Variants in HELZ observed in about 807,000 individuals in gnomAD.
HELZ encodes the protein helicase with zinc finger.
A neutral mutation model predicts 218.2 loss-of-function variants in HELZ; 23 were observed. The ratio of observed to expected loss-of-function variants is 0.11; its 90% CI spans 0.08 to 0.15. The LOEUF (loss-of-function observed/expected upper bound fraction) is 0.15, where lower values mean the gene tolerates loss of function less well. HELZ is among the 10% of genes least tolerant of loss of function. The pLI, the probability that HELZ is intolerant of heterozygous loss-of-function variation, is 1.00. For missense variants in HELZ, 1,813 were observed against 2,353.7 expected, an observed-to-expected ratio of 0.77 and a Z score of 4.75; for synonymous variants, 814 against 829.4, an observed-to-expected ratio of 0.98 and a Z score of 0.32.
rs1362576442 is a variant in HELZ at position 67,073,941 on chromosome 17, T to C, written c.*4311A>G. ...ATAATGAGCATTTTCAAGACTAACA[T>C]GCCAGTTACTCTTTCAAGATGGAGA... is the stretch of plus-strand genomic sequence containing the variant. On this transcript the variant is annotated 3_prime_UTR_variant, in exon 33 of 33. Coordinates refer to ENST00000358691, the MANE Select transcript of HELZ (RefSeq NM_014877.4). The C allele has an allele frequency of 3.3e-5, 5 of 152,178 alleles. No individual in the cohort carries two copies. The highest frequency in any genetic ancestry group is 6.5e-5 in the Admixed American group (1 of 15,276). The allele number at this position is 152,178 out of a possible 1,614,324, so 9.4% of individuals were successfully genotyped here.
chr17:67,085,772 G>A (rs1398737617), intron 32 of HELZ, among the ~76,000 whole-genome samples: 1 of 151,914 alleles, frequency 6.6e-6, no homozygotes, highest in African/African-American at 2.4e-5. Flanking sequence ...ACAAAGAGAA[G>A]GAATTAGAGA....
chr17:67,225,562 G>A (rs964509796), intron 3 of HELZ: 7 of 152,190 alleles, frequency 4.6e-5, no homozygotes, highest in Non-Finnish European at 7.3e-5. Context: ...GTTAGTAACC[G>A]CAATGTTAGT....
intron 21 of HELZ, among the ~76,000 whole-genome samples, chr17:67,140,188 G>A (rs1435163360): frequency 6.6e-6 from 1 of 152,198 alleles, no homozygotes; most frequent in East Asian, 1.9e-4. Context: ...CACCTGGATG[G>A]CAGCATGGAT....
At chr17:67,090,092 T>C (rs754367411) in intron 31 of HELZ, among the ~76,000 whole-genome samples, 1 of 152,178 alleles carries the variant, frequency 6.6e-6, no homozygotes, top group Non-Finnish European at 1.5e-5. Context: ...TTTCCATTTC[T>C]AGTTTACCAA....
At chr17:67,245,451 G>C, upstream of HELZ, 1 of 984,624 alleles carries the variant, frequency 1.0e-6, no homozygotes, top group Non-Finnish European at 1.2e-6. Context: ...CTGCCCCCAC[G>C]CCCGGTCCTC....
At chr17:67,128,977 C>T (rs1481868122) in intron 23 of HELZ, 122 bp from the exon 24 acceptor site, 9 of 725,218 alleles carry the variant, frequency 1.2e-5, no homozygotes, top group Non-Finnish European at 2.1e-5. Context: ...ACCCAATAGT[C>T]ATCTATGATT....
At chr17:67,187,168 A>G (rs527749152) in intron 12 of HELZ, among the ~76,000 whole-genome samples, 7 of 152,216 alleles carry the variant, frequency 4.6e-5, no homozygotes, top group Non-Finnish European at 2.9e-5. Flanking sequence ...TTTTTATTTT[A>G]TCAACTACCA....
intron 4 of HELZ, among the ~76,000 whole-genome samples, chr17:67,216,694 C>A (rs1200901343): frequency 1.3e-5 from 2 of 152,144 alleles, no homozygotes; most frequent in African/African-American, 4.8e-5. Context: ...AAGCCACTCT[C>A]AAGAGATCAC....
intron 5 of HELZ, among the ~76,000 whole-genome samples, chr17:67,208,239 G>T (rs1425593735): frequency 2.6e-5 from 4 of 152,022 alleles, no homozygotes; most frequent in Non-Finnish European, 5.9e-5. Flanking sequence ...AACAAAAAAA[G>T]AAGTTTTTCA....
intron 3 of HELZ, chr17:67,224,762 G>A: frequency 3.4e-6 from 4 of 1,165,840 alleles, no homozygotes; most frequent in Non-Finnish European, 5.0e-6. Context: ...CGGACTTTCT[G>A]TAAGAAGTGT....
At chr17:67,182,474 G>C (rs538343825) in intron 12 of HELZ, among the ~76,000 whole-genome samples, 44 of 151,964 alleles carry the variant, frequency 2.9e-4, no homozygotes, top group Non-Finnish European at 5.6e-4. Flanking sequence ...GAAGTGAGCA[G>C]GTTAGGATCA....
chr17:67,092,075 C>A (rs1289705685), intron 31 of HELZ, among the ~76,000 whole-genome samples: 1 of 152,140 alleles, frequency 6.6e-6, no homozygotes, highest in Non-Finnish European at 1.5e-5. Context: ...ACAGTAATAT[C>A]TGTGGGTTCA....
intron 21 of HELZ, among the ~76,000 whole-genome samples, chr17:67,143,476 C>T (rs984938901): frequency 6.6e-6 from 1 of 151,892 alleles, no homozygotes; most frequent in Admixed American, 6.6e-5. Context: ...ATTAACTAGG[C>T]GTGGTGGTGC....
In HELZ at chr17:67,188,440, A is replaced by C; in HGVS notation, c.1041T>G (p.Tyr347Ter). 1 of 1,613,996 alleles carries C rather than the reference A, an allele frequency of 6.2e-7. No individual in the cohort carries two copies. Among genetic ancestry groups the C allele is most frequent in the Non-Finnish European group, 8.5e-7 (1 of 1,179,864 alleles). ...CTGTGTTAAATGCTATCCCGACTTT[A>C]TACACGTAATGATCTAATCCATTTT... ...MAQNGLDHYV[Y>*]KVGIAFNTEI... The change falls in exon 12 of 33, where the codon TAT (tyrosine) becomes TAG (stop). Residue 347 changes from tyrosine to a stop codon, truncating the protein, a stop_gained. Transcript: ENST00000358691. LOFTEE classifies it high-confidence loss of function. This position sits in a 1 kb window ranked among gnomAD's most constrained non-coding sequence, Gnocchi z 4.1.
chr17:67,118,352 A>G (rs1461565680), intron 27 of HELZ, among the ~76,000 whole-genome samples: 1 of 152,238 alleles, frequency 6.6e-6, no homozygotes, highest in Non-Finnish European at 1.5e-5. Context: ...TTACCCTTAC[A>G]CTATATATAA....
At chr17:67,143,637 T>A (rs1032622088) in intron 21 of HELZ, among the ~76,000 whole-genome samples, 4 of 151,774 alleles carry the variant, frequency 2.6e-5, no homozygotes, top group Non-Finnish European at 5.9e-5. Context: ...AAAAAACATA[T>A]CTTTGGTGCT....
intron 3 of HELZ, among the ~76,000 whole-genome samples, chr17:67,228,791 T>C (rs1257517777): frequency 1.3e-5 from 2 of 151,988 alleles, no homozygotes; most frequent in African/African-American, 2.4e-5. Flanking sequence ...CAATCTCGGC[T>C]CACTGCAACC....
At position 67,076,488 on chromosome 17, in the gene HELZ, C is replaced by A. The variant is rs2036022229; in HGVS notation, c.*1764G>T. On this transcript the variant is annotated 3_prime_UTR_variant, in exon 33 of 33. Coordinates refer to ENST00000358691, the MANE Select transcript of HELZ (RefSeq NM_014877.4). ...TTACAAGTCTATGTCTGCCACCTTA[C>A]ACAGAGACCCACAGCCTGGAACGCA... The A allele has an allele frequency of 6.6e-6, 1 of 152,340 alleles. No homozygotes were observed. 9.4% of individuals were successfully genotyped at this position (152,340 alleles called of 1,614,324 possible).
At chr17:67,161,840 T>C (rs1452708125) in intron 15 of HELZ, among the ~76,000 whole-genome samples, 1 of 152,164 alleles carries the variant, frequency 6.6e-6, no homozygotes, top group Non-Finnish European at 1.5e-5. Context: ...CAGCAGATAC[T>C]GAAACACATC....
Sources: allele counts gnomAD v4.1 joint callset (sites outside exome capture counted in the v4.1 genomes callset), GRCh38; gene constraint gnomAD v4.1.1; non-coding constraint Gnocchi (gnomAD v3.1); transcripts MANE v1.5; gene names NCBI Gene and HGNC (gene_info 2026-07-23, HGNC 2026-07-21).